Variants in NLRP4 observed in about 807,000 individuals in gnomAD.
NLRP4 encodes NLR family pyrin domain containing 4.
In NLRP4, 44 loss-of-function variants were observed where a neutral mutation model predicts 84.7. The ratio of observed to expected loss-of-function variants is 0.52; its 90% CI spans 0.41 to 0.67. The LOEUF (loss-of-function observed/expected upper bound fraction) is 0.67. Among genes scored for constraint, NLRP4 ranks in the 30% least tolerant of loss-of-function variants. The probability of loss-of-function intolerance (pLI) is 0.00; values close to 1 mark genes in which losing one functional copy is unlikely to be tolerated. For missense variants in NLRP4, 1,260 were observed against 1,219.4 expected (o/e 1.03, Z -0.50); for synonymous variants, 544 against 476.4 (o/e 1.14, Z -1.85).
At position 55,881,334 on chromosome 19, in the gene NLRP4, G is replaced by T. The variant is rs985783619; in HGVS notation, c.2868-136G>T. Reference sequence around the variant, plus strand: ...TTATCAGCATACCGCTGCATTTGATGTGTATGTCTTTCCTCTTGGAGGTAA... The same window carrying T: ...TTATCAGCATACCGCTGCATTTGATTTGTATGTCTTTCCTCTTGGAGGTAA... On this transcript the variant is annotated intron_variant, in intron 9 of 9. Coordinates refer to ENST00000301295, the MANE Select transcript of NLRP4 (RefSeq NM_134444.5). The T allele has an allele frequency of 1.7e-5, 10 of 576,802 alleles. No homozygotes were observed. The African/African-American group carries it at 1.9e-4, about 11-fold the overall frequency. 35.7% of individuals were successfully genotyped at this position (576,802 alleles called of 1,614,324 possible). A position where few individuals can be genotyped will look rare whatever the true frequency, so the allele number is the denominator to read the frequency against.
rs1984784293 is a variant in NLRP4, at chr19:55,862,129, A to G, written c.2156A>G (p.Asn719Ser). ...ATCAGGTCCCTCTGTGATGCCTTGA[A>G]CTACCCAGCAGGCAACGTCAAAGAG... Reference protein sequence around the residue: ...DDIRSLCDALNYPAGNVKELA... With the variant: ...DDIRSLCDALSYPAGNVKELA... Residue 719 changes from asparagine to serine, a missense_variant, in exon 5 of 10, where the codon AAC becomes AGC. Asn to Ser is a conservative substitution (Grantham distance 46). Transcript: ENST00000301295. 6.2e-7 allele frequency: 1 copy of G among 1,613,818 alleles called. No homozygotes were observed. Among genetic ancestry groups the G allele is most frequent in the Admixed American group, 1.7e-5 (1 of 59,988 alleles).
At chr19:55,871,846 C>CTTTTTTTTTTT (rs376627745) in intron 7 of NLRP4, among the ~76,000 whole-genome samples, 2 of 142,128 alleles carry the variant, frequency 1.4e-5, no homozygotes, top group Admixed American at 7.0e-5. Flanking sequence ...CAGAAATAAT[C>CTTTTTTTTTTT]TTTTTTTTTT....
At chr19:55,844,879 G>C (rs536166145) in intron 1 of NLRP4, among the ~76,000 whole-genome samples, 1 of 152,060 alleles carries the variant, frequency 6.6e-6, no homozygotes, top group Non-Finnish European at 1.5e-5. Flanking sequence ...GTGTGTGTGC[G>C]TGTGTGTATG....
intron 7 of NLRP4, among the ~76,000 whole-genome samples, chr19:55,871,666 T>A (rs1309489917): frequency 1.3e-5 from 2 of 152,184 alleles, no homozygotes. Context: ...AGTTTAGGAT[T>A]TTGTATTCCT....
At chr19:55,880,210 T>G (rs902915447) in intron 9 of NLRP4, among the ~76,000 whole-genome samples, 7 of 152,194 alleles carry the variant, frequency 4.6e-5, no homozygotes, top group Non-Finnish European at 8.8e-5. Context: ...AGGTTTGTTT[T>G]CTTGAAGTCC....
chr19:55,878,838 C>A lies in NLRP4; in HGVS notation c.2741C>A (p.Ala914Glu), dbSNP rs769137352. Residue 914 changes from alanine to glutamate, a missense_variant, in exon 9 of 10, where the codon GCG (alanine) becomes GAG (glutamate). Ala to Glu is a moderately radical substitution (Grantham distance 107, BLOSUM62 -1). This residue lies in a region of NLRP4 where 544 missense variants were observed against 531.7 expected (regional missense o/e 1.02). Transcript: ENST00000301295. ...GLTSTCCKDL[A>E]SVLTCSKTLQ... ...ACGAGCACCTGCTGTAAGGATCTCG[C>A]GTCTGTTCTCACCTGCAGTAAGACC... 1.4e-5 allele frequency: 23 copies of A among 1,613,590 alleles called. No homozygotes were observed. Among genetic ancestry groups the A allele is most frequent in the Non-Finnish European group, 1.8e-5 (21 of 1,179,756 alleles).
chr19:55,876,022 A>G (rs1021062518), intron 7 of NLRP4, among the ~76,000 whole-genome samples: 1 of 152,152 alleles, frequency 6.6e-6, no homozygotes, highest in African/African-American at 2.4e-5. Flanking sequence ...GGACAACAGG[A>G]GTGAAACTCC....
chr19:55,860,269 G>C (rs1053538036), intron 3 of NLRP4, among the ~76,000 whole-genome samples: 3 of 152,174 alleles, frequency 2.0e-5, no homozygotes, highest in Admixed American at 6.5e-5. Context: ...ACAGGCGTGA[G>C]CCACCGTGCC....
intron 1 of NLRP4, among the ~76,000 whole-genome samples, chr19:55,846,866 C>A (rs1476818955): frequency 6.6e-6 from 1 of 152,144 alleles, no homozygotes; most frequent in Non-Finnish European, 1.5e-5. Flanking sequence ...ATGAAGGTCA[C>A]CTTTCCATCA....
In NLRP4 at chr19:55,865,808, G is replaced by A. The variant is rs75830775; in HGVS notation, c.2187-1901G>A. 2.0e-3 allele frequency among the ~76,000 whole-genome samples: 297 copies of A among 152,016 alleles called. 2 individuals are homozygous for A. Among genetic ancestry groups the A allele is most frequent in the African/African-American group, 7.0e-3 (292 of 41,472 alleles). ...TTGTCAAGTTGTAAGTGTTCTTTAT[G>A]TTTTCTGATTACAAGTTATATACGA... On this transcript the variant is annotated intron_variant, in intron 5 of 9. Coordinates refer to ENST00000301295, the MANE Select transcript of NLRP4 (RefSeq NM_134444.5).
At position 55,858,577 on chromosome 19, in the gene NLRP4, A is replaced by G. The variant is rs1439139404; in HGVS notation, c.1184A>G (p.Gln395Arg). 4 of 1,614,046 alleles carry G rather than the reference A, an allele frequency of 2.5e-6. No individual in the cohort carries two copies. In the African/African-American group the frequency reaches 4.0e-5, roughly 16 times the overall value. Reference sequence around the variant, plus strand: ...GGCCCGACTCCGCAAACCCAGCACCAGCTGAAGGCCCTGTGCTCCCTGGCT... The same window carrying G: ...GGCCCGACTCCGCAAACCCAGCACCGGCTGAAGGCCCTGTGCTCCCTGGCT... ...AEGPTPQTQH[Q>R]LKALCSLAAE... is the part of the protein sequence containing the mutation. Residue 395 changes from glutamine (Q) to arginine (R), a missense_variant, in exon 3 of 10, where the codon CAG (glutamine) becomes CGG (arginine). By Grantham distance (43) the Gln-to-Arg change is conservative. Around this residue, in one of 3 missense-constraint regions of NLRP4, gnomAD observed 712 missense variants for 669.2 expected, o/e 1.06. Coordinates refer to ENST00000301295, the MANE Select transcript of NLRP4 (RefSeq NM_134444.5). This position sits in a 1 kb window ranked among gnomAD's most constrained non-coding sequence, Gnocchi z 4.2.
At chr19:55,870,678 G>A in intron 6 of NLRP4, 149 bp from the exon 7 acceptor site, 1 of 594,474 alleles carries the variant, frequency 1.7e-6, no homozygotes, top group Non-Finnish European at 3.0e-6. Context: ...GAATAAATGA[G>A]AGGAGGTGTT....
At chr19:55,846,321 C>A (rs1983791397) in intron 1 of NLRP4, among the ~76,000 whole-genome samples, 1 of 152,128 alleles carries the variant, frequency 6.6e-6, no homozygotes, top group African/African-American at 2.4e-5. Flanking sequence ...TGTCAAAGAT[C>A]AGATAGTTGT....
At chr19:55,856,771 C>A (rs1292410870) in intron 2 of NLRP4, among the ~76,000 whole-genome samples, 1 of 152,082 alleles carries the variant, frequency 6.6e-6, no homozygotes, top group East Asian at 1.9e-4. Context: ...ACCTTGGCCT[C>A]CCAAAGTTCT....
At chr19:55,838,947 C>G (rs533451742) in intron 1 of NLRP4, among the ~76,000 whole-genome samples, 26 of 147,322 alleles carry the variant, frequency 1.8e-4, no homozygotes, top group African/African-American at 6.4e-4. Context: ...AATTCTTACA[C>G]TAAGCCTGTT....
chr19:55,877,434 T>C (rs974160072), intron 8 of NLRP4, among the ~76,000 whole-genome samples: 1 of 152,128 alleles, frequency 6.6e-6, no homozygotes, highest in Non-Finnish European at 1.5e-5. Flanking sequence ...GGGTTGACCT[T>C]GCTATATGGT....
chr19:55,876,893 T>C (rs754873879), intron 7 of NLRP4, 103 bp from the exon 8 acceptor site: 3 of 872,580 alleles, frequency 3.4e-6, no homozygotes, highest in South Asian at 1.8e-5. Context: ...TGACGGTGCC[T>C]ATCCACATGA....
At chr19:55,861,268 G>C in intron 3 of NLRP4, 118 bp from the exon 4 acceptor site, 1 of 815,806 alleles carries the variant, frequency 1.2e-6, no homozygotes. Flanking sequence ...CCTTCTGACT[G>C]AGGGAGGCTC....
chr19:55,854,512 C>T (rs1984332977), intron 2 of NLRP4, among the ~76,000 whole-genome samples: 3 of 152,094 alleles, frequency 2.0e-5, no homozygotes, highest in Admixed American at 2.0e-4. Flanking sequence ...GAATATGAGA[C>T]ATTGAAAATG....
Sources: gnomAD v4.1 joint callset for allele counts (sites outside exome capture counted in the v4.1 genomes callset) on GRCh38, gnomAD v4.1.1 for gene constraint, gnomAD v4.1.1 regional missense constraint, Gnocchi (gnomAD v3.1) non-coding constraint, MANE v1.5 for transcripts, NCBI Gene and HGNC (gene_info 2026-07-23, HGNC 2026-07-21) for gene names.